FBXL2: variants seen among roughly 807,000 people sequenced by gnomAD.
FBXL2 encodes F-box and leucine rich repeat protein 2, also known as F-box/LRR-repeat protein 2.
In FBXL2, 38 loss-of-function variants were observed where a neutral mutation model predicts 69.2. The ratio of observed to expected loss-of-function variants is 0.55; its 90% CI spans 0.42 to 0.72. The LOEUF is 0.72. FBXL2 is among the 30% of genes least tolerant of loss of function. FBXL2 has a pLI of 0.00. For synonymous variants in FBXL2, 192 were observed against 201.3 expected (o/e 0.95, Z 0.39); for missense variants, 354 against 520.3 (o/e 0.68, Z 3.11).
chr3:33,402,760 C>A, intron 12 of FBXL2: 1 of 1,385,600 alleles, frequency 7.2e-7, no homozygotes, highest in African/African-American at 1.5e-5. Context: ...GGCACATGAG[C>A]ATTAGTTAGC....
At chr3:33,421,696 C>T in the FBXL2 span, among the ~76,000 whole-genome samples, 108 of 152,214 alleles carry the variant, frequency 7.1e-4, no homozygotes, top group Non-Finnish European at 1.3e-3. Flanking sequence ...GAAGACTATA[C>T]CAAATTTGAT....
At chr3:33,315,719 G>A (rs554805110) in intron 2 of FBXL2, among the ~76,000 whole-genome samples, 20 of 151,676 alleles carry the variant, frequency 1.3e-4, no homozygotes, top group Admixed American at 3.3e-4. Flanking sequence ...CTTTCATGTC[G>A]CTTATCATTT....
intron 12 of FBXL2, among the ~76,000 whole-genome samples, chr3:33,394,187 A>C (rs1001055130): frequency 8.2e-6 from 1 of 122,188 alleles, no homozygotes; most frequent in Non-Finnish European, 1.7e-5. Flanking sequence ...ATGCCTGGCT[A>C]ATTTTTATTA....
chr3:33,392,913 T>G, downstream of FBXL2: 1 of 361,022 alleles, frequency 2.8e-6, no homozygotes, highest in East Asian at 4.5e-5. Context: ...AAAGTGCTCT[T>G]CTATTATTAC....
At chr3:33,385,475 C>G (rs1244137843) in intron 14 of FBXL2, 26 bp from the exon 15 acceptor site, 5 of 1,578,992 alleles carry the variant, frequency 3.2e-6, no homozygotes, top group East Asian at 2.2e-5. Context: ...TGTGTAAAGA[C>G]TCCACTTTTT....
In FBXL2 at chr3:33,352,893, TCAAAACAAAACAAAA is replaced by T. The variant is rs61461877; in HGVS notation, c.66-6053_66-6039del. Among the ~76,000 whole-genome samples, 89 of 149,546 alleles carry T rather than the reference TCAAAACAAAACAAAA, an allele frequency of 6.0e-4. 1 individual carries two copies. The highest frequency in any genetic ancestry group is 2.0e-3 in the African/African-American group (82 of 40,300). On this transcript the variant is annotated intron_variant, in intron 2 of 14. Coordinates refer to ENST00000484457, the MANE Select transcript of FBXL2 (RefSeq NM_012157.5). ...CTGGGCAACACAGTGAGACTCTGTCTCAAAACAAAACAAAACAAAACAAAACAAAACAAAAAAACC... is the reference window on the plus strand; with the variant it reads ...CTGGGCAACACAGTGAGACTCTGTCTCAAAACAAAACAAAACAAAAAAACC...
chr3:33,296,986 G>A (rs1019447797), intron 1 of FBXL2, among the ~76,000 whole-genome samples: 27 of 152,120 alleles, frequency 1.8e-4, no homozygotes, highest in African/African-American at 6.0e-4. Flanking sequence ...TTTAGGAAGC[G>A]TTGCTAACAT....
chr3:33,359,314 A>G lies in FBXL2; in HGVS notation c.152A>G (p.Asn51Ser). 1 of 1,612,298 alleles carries G rather than the reference A, an allele frequency of 6.2e-7. No homozygotes were observed. Among genetic ancestry groups the G allele is most frequent in the Non-Finnish European group, 8.5e-7 (1 of 1,178,774 alleles). ...AWNILALDGS[N>S]WQRIDLFNFQ... is the part of the protein sequence containing the mutation. ...AACATCTTAGCCCTGGATGGAAGCA[A>G]CTGGCAAAGAATAGATCTTTTTAAC... Residue 51 changes from asparagine (N) to serine (S), a missense_variant, in exon 4 of 15, where the codon AAC (asparagine) becomes AGC (serine). Coordinates refer to ENST00000484457, the MANE Select transcript of FBXL2 (RefSeq NM_012157.5).
At chr3:33,379,092 C>T (rs1201039638) in intron 13 of FBXL2, among the ~76,000 whole-genome samples, 1 of 152,020 alleles carries the variant, frequency 6.6e-6, no homozygotes, top group African/African-American at 2.4e-5. Context: ...GCTACAACCT[C>T]CACCTCCCAG....
intron 5 of FBXL2, among the ~76,000 whole-genome samples, chr3:33,367,816 G>C (rs1352886790): frequency 6.6e-6 from 1 of 151,960 alleles, no homozygotes; most frequent in South Asian, 2.1e-4. Context: ...GAAGTCATTG[G>C]TTTGAGACCT....
At chr3:33,346,128 G>A (rs982614013) in intron 2 of FBXL2, among the ~76,000 whole-genome samples, 7 of 152,170 alleles carry the variant, frequency 4.6e-5, no homozygotes, top group African/African-American at 1.7e-4. Flanking sequence ...TTGGGAGGGT[G>A]AGGCAGGAGA....
chr3:33,280,778 T>C (rs1016799211), intron 1 of FBXL2, among the ~76,000 whole-genome samples: 2 of 151,248 alleles, frequency 1.3e-5, no homozygotes, highest in Non-Finnish European at 3.0e-5. Context: ...TTTTAATTCA[T>C]ATGGAACAAA....
At chr3:33,320,522 C>T (rs1389188148) in intron 2 of FBXL2, among the ~76,000 whole-genome samples, 1 of 151,578 alleles carries the variant, frequency 6.6e-6, no homozygotes, top group Non-Finnish European at 1.5e-5. Flanking sequence ...TGCTATGTCG[C>T]CCTGGCTGGA....
At chr3:33,327,582 A>G (rs1038318947) in intron 2 of FBXL2, among the ~76,000 whole-genome samples, 2 of 152,202 alleles carry the variant, frequency 1.3e-5, no homozygotes, top group African/African-American at 4.8e-5. Flanking sequence ...GCTCAAGACT[A>G]AGAAAAAGAA....
the FBXL2 span, among the ~76,000 whole-genome samples, chr3:33,417,126 T>C: frequency 6.6e-6 from 1 of 152,210 alleles, no homozygotes; most frequent in African/African-American, 2.4e-5. Flanking sequence ...TTGTAACAGC[T>C]TTTCTGAGAT....
chr3:33,398,987 A>C (rs1044784296), intron 12 of FBXL2, among the ~76,000 whole-genome samples: 2 of 152,278 alleles, frequency 1.3e-5, no homozygotes, highest in South Asian at 4.1e-4. Context: ...ACAAAGAAGT[A>C]CACGGGGAAT....
the FBXL2 span, among the ~76,000 whole-genome samples, chr3:33,422,497 G>A: frequency 2.6e-5 from 4 of 152,084 alleles, no homozygotes; most frequent in Non-Finnish European, 5.9e-5. Flanking sequence ...CAGGAAGATC[G>A]TTTGAGCCCA....
chr3:33,392,711 A>C, downstream of FBXL2: 1 of 1,174,530 alleles, frequency 8.5e-7, no homozygotes, highest in Non-Finnish European at 1.2e-6. Context: ...AAACAAACAC[A>C]GGACTCAATG....
intron 2 of FBXL2, among the ~76,000 whole-genome samples, chr3:33,314,405 G>T (rs2037489376): frequency 1.3e-5 from 2 of 152,124 alleles, no homozygotes; most frequent in African/African-American, 4.8e-5. Context: ...CCACGTATAA[G>T]TGAGATCATA....
Sources: allele counts gnomAD v4.1 joint callset (sites outside exome capture counted in the v4.1 genomes callset), GRCh38; gene constraint gnomAD v4.1.1; transcripts MANE v1.5; gene names NCBI Gene and HGNC (gene_info 2026-07-23, HGNC 2026-07-21).